Variants in CCDC6 observed in about 807,000 individuals in gnomAD.
CCDC6 encodes the protein coiled-coil domain containing 6.
Under a neutral mutation model 56.6 loss-of-function variants are expected in CCDC6, and 20 were observed. The observed-to-expected ratio is 0.35, with a 90% CI of 0.25 to 0.51. The LOEUF (loss-of-function observed/expected upper bound fraction) is 0.51, where lower values mean the gene tolerates loss of function less well. CCDC6 is among the 20% of genes least tolerant of loss of function. CCDC6 has a pLI of 0.95. For missense variants in CCDC6, 367 were observed against 601.1 expected (o/e 0.61, Z 4.07); for synonymous variants, 241 against 234.4 (o/e 1.03, Z -0.26).
intron 4 of CCDC6, among the ~76,000 whole-genome samples, chr10:59,813,794 C>CT (rs1001624884): frequency 3.0e-4 from 46 of 152,290 alleles, no homozygotes; most frequent in African/African-American, 1.1e-3. Flanking sequence ...ACAAGTATTT[C>CT]TTATAGATAT....
Position 59,792,847 on chromosome 10 carries a change from A to G in CCDC6, c.*70T>C, listed in dbSNP as rs1472224952. ...TCATATCCAAATATGCCAGAGAAGG[A>G]AGCCTTTGGCGTTGAGTAGACGGCT... On this transcript the variant is annotated 3_prime_UTR_variant, in exon 9 of 9. Coordinates refer to ENST00000263102, the MANE Select transcript of CCDC6 (RefSeq NM_005436.5). 1.4e-6 allele frequency: 2 copies of G among 1,447,922 alleles called. No individual in the cohort carries two copies. The highest frequency in any genetic ancestry group is 2.3e-5 in the South Asian group (2 of 87,732). 89.7% of individuals were successfully genotyped at this position (1,447,922 alleles called of 1,614,324 possible).
intron 1 of CCDC6, among the ~76,000 whole-genome samples, chr10:59,861,553 T>C (rs1029870018): frequency 1.3e-5 from 2 of 151,852 alleles, no homozygotes; most frequent in African/African-American, 4.8e-5. Context: ...TAAATAACCA[T>C]GCTTAAGATG....
chr10:59,834,248 T>C (rs563897960), intron 2 of CCDC6, among the ~76,000 whole-genome samples: 55 of 152,110 alleles, frequency 3.6e-4, no homozygotes, highest in Admixed American at 8.5e-4. Context: ...AAAAAATTGT[T>C]TTGGCTAGGC....
intron 2 of CCDC6, among the ~76,000 whole-genome samples, chr10:59,843,056 T>C (rs2070956177): frequency 1.3e-5 from 2 of 149,836 alleles, no homozygotes; most frequent in South Asian, 4.3e-4. Flanking sequence ...CCCGGCCTTT[T>C]TTTGTATTTT....
chr10:59,858,770 C>G (rs755532851), intron 1 of CCDC6, among the ~76,000 whole-genome samples: 1 of 152,134 alleles, frequency 6.6e-6, no homozygotes, highest in Non-Finnish European at 1.5e-5. Flanking sequence ...GGATACAGAG[C>G]AATGAAAAAT....
At chr10:59,850,970 T>C (rs1263116318) in intron 2 of CCDC6, among the ~76,000 whole-genome samples, 3 of 151,820 alleles carry the variant, frequency 2.0e-5, no homozygotes, top group Non-Finnish European at 4.4e-5. Context: ...ATCAATATCC[T>C]TAAAAGGTAG....
intron 3 of CCDC6, among the ~76,000 whole-genome samples, chr10:59,817,958 A>G (rs1378891796): frequency 6.6e-6 from 1 of 152,192 alleles, no homozygotes; most frequent in Non-Finnish European, 1.5e-5. Flanking sequence ...TTTAAAGCTG[A>G]GGAAACCACT....
chr10:59,858,402 G>A (rs2071096925), intron 1 of CCDC6, among the ~76,000 whole-genome samples: 2 of 152,182 alleles, frequency 1.3e-5, no homozygotes, highest in Non-Finnish European at 2.9e-5. Flanking sequence ...GATTGGAGCA[G>A]AATCATTATT....
At position 59,812,620 on chromosome 10, in the gene CCDC6, C is replaced by G; in HGVS notation, c.847+15G>C. On this transcript the variant is annotated intron_variant, in intron 5 of 8. Transcript: ENST00000263102. ...TTCTACAGGCATGAAACTAGTGAAA[C>G]CAGAGGCTACGTACGCTGTAACTGA... is the stretch of plus-strand genomic sequence containing the variant. The G allele has an allele frequency of 6.3e-7, 1 of 1,588,238 alleles. No homozygotes were observed. Among genetic ancestry groups the G allele is most frequent in the Non-Finnish European group, 8.6e-7 (1 of 1,163,082 alleles).
chr10:59,900,330 GCA>G (rs2132688547), intron 1 of CCDC6, among the ~76,000 whole-genome samples: 1 of 152,232 alleles, frequency 6.6e-6, no homozygotes, highest in East Asian at 1.9e-4. Flanking sequence ...GGTGGAGAAG[GCA>G]GTACAGTCTA....
chr10:59,894,684 T>C (rs879697268), intron 1 of CCDC6, among the ~76,000 whole-genome samples: 1 of 129,592 alleles, frequency 7.7e-6, no homozygotes, highest in Non-Finnish European at 1.6e-5. Flanking sequence ...TGGGGAGGGG[T>C]GGGGGGGAAT....
chr10:59,849,518 C>G (rs1336443640), intron 2 of CCDC6, among the ~76,000 whole-genome samples: 2 of 152,322 alleles, frequency 1.3e-5, no homozygotes, highest in African/African-American at 2.4e-5. Context: ...TCTTCTATAG[C>G]AAGTCTCATT....
At chr10:59,859,000 C>T (rs2071101712) in intron 1 of CCDC6, among the ~76,000 whole-genome samples, 1 of 152,074 alleles carries the variant, frequency 6.6e-6, no homozygotes, top group Admixed American at 6.6e-5. Flanking sequence ...GTGCTGCTTT[C>T]TCCTCTAAAG....
At chr10:59,819,061 A>T (rs2070731304) in intron 3 of CCDC6, among the ~76,000 whole-genome samples, 1 of 152,190 alleles carries the variant, frequency 6.6e-6, no homozygotes, top group South Asian at 2.1e-4. Context: ...ATATATGCAT[A>T]ACTCATATTT....
intron 3 of CCDC6, among the ~76,000 whole-genome samples, chr10:59,817,058 TAAAC>T (rs1282035166): frequency 6.6e-6 from 1 of 152,336 alleles, no homozygotes; most frequent in East Asian, 1.9e-4. Flanking sequence ...CTCAGAATGT[TAAAC>T]AATTCCTACC....
At chr10:59,818,384 T>C (rs1399263606) in intron 3 of CCDC6, among the ~76,000 whole-genome samples, 1 of 151,382 alleles carries the variant, frequency 6.6e-6, no homozygotes, top group African/African-American at 2.4e-5. Context: ...CAATTTGCTC[T>C]ACTAATTTAT....
chr10:59,863,243 TTGAGTGGTAGGAATC>T (rs1256982137), intron 1 of CCDC6, among the ~76,000 whole-genome samples: 2 of 152,242 alleles, frequency 1.3e-5, no homozygotes, highest in Non-Finnish European at 2.9e-5. Context: ...AGTACCATTC[TTGAGTGGTAGGAATC>T]CAGGTGCTCA....
chr10:59,901,100 T>C (rs1401122485), intron 1 of CCDC6, among the ~76,000 whole-genome samples: 2 of 151,664 alleles, frequency 1.3e-5, no homozygotes, highest in Admixed American at 6.6e-5. Context: ...ACAAATAGAG[T>C]ATATGAAACA....
At position 59,811,506 on chromosome 10, in the gene CCDC6, A is replaced by G. The variant is rs1359465273; in HGVS notation, c.847+1129T>C. On this transcript the variant is annotated intron_variant, in intron 5 of 8. Transcript: ENST00000263102. ...AATTATGGCATATTCATACAATCAA[A>G]TACTATGCAGCCTTTAAATAAGGGA... is the stretch of plus-strand genomic sequence containing the variant. 2.0e-5 allele frequency among the ~76,000 whole-genome samples: 3 copies of G among 152,220 alleles called. No homozygotes were observed. The South Asian group carries it at 6.2e-4, about 32-fold the overall frequency.
Sources: gnomAD v4.1 joint callset for allele counts (sites outside exome capture counted in the v4.1 genomes callset) on GRCh38, gnomAD v4.1.1 for gene constraint, MANE v1.5 for transcripts, NCBI Gene and HGNC (gene_info 2026-07-23, HGNC 2026-07-21) for gene names.